Variants in FLRT2 observed in about 807,000 individuals in gnomAD.
The protein encoded by FLRT2 is fibronectin leucine rich transmembrane protein 2, also known as leucine-rich repeat transmembrane protein FLRT2.
A neutral mutation model predicts 40.0 loss-of-function variants in FLRT2; 15 were observed. That is an observed-to-expected ratio of 0.38 (90% CI 0.25 to 0.58). The LOEUF (loss-of-function observed/expected upper bound fraction) is 0.58. Ranked by LOEUF, FLRT2 falls within the 20% of genes least tolerant of loss-of-function variation. The pLI is 0.71. For missense variants in FLRT2, 726 were observed against 840.0 expected (o/e 0.86, Z 1.68); for synonymous variants, 380 against 336.8 (o/e 1.13, Z -1.41).
At chr14:85,535,081 T>C (rs1039579923) in intron 1 of FLRT2, among the ~76,000 whole-genome samples, 3 of 152,222 alleles carry the variant, frequency 2.0e-5, no homozygotes, top group Non-Finnish European at 4.4e-5. Flanking sequence ...TGCAAGGTGC[T>C]GATTAGATTT....
In FLRT2 at chr14:85,643,315, C is replaced by CTT. The variant is rs1259864710; in HGVS notation, c.*19820_*19821dup. 1 of 102,824 alleles carries CTT rather than the reference C, an allele frequency of 9.7e-6. No individual in the cohort carries two copies. The highest frequency in any genetic ancestry group is 4.3e-5 in the African/African-American group (1 of 23,458). The allele number at this position is 102,824 out of a possible 1,614,324, so 6.4% of individuals were successfully genotyped here. A position where few individuals can be genotyped will look rare whatever the true frequency, so the allele number is the denominator to read the frequency against. On this transcript the variant is annotated 3_prime_UTR_variant, in exon 2 of 2. Transcript: ENST00000330753. ...TTTTTCTTTCTTTCTTTCTTTCTTT[C>CTT]TTTCTTTCTTTCTTTCTTTCTTTCT...
At chr14:85,620,764 C>T (rs1711835234) in intron 1 of FLRT2, among the ~76,000 whole-genome samples, 1 of 152,102 alleles carries the variant, frequency 6.6e-6, no homozygotes, top group South Asian at 2.1e-4. Flanking sequence ...AGTCTATGAC[C>T]AGTAGGATTT....
At chr14:85,558,815 G>A (rs1185294068) in intron 1 of FLRT2, among the ~76,000 whole-genome samples, 4 of 152,130 alleles carry the variant, frequency 2.6e-5, no homozygotes, top group African/African-American at 4.8e-5. Flanking sequence ...TATTTGACAT[G>A]GTTTGTCTTT....
At position 85,628,234 on chromosome 14, in the gene FLRT2, A is replaced by G. The variant is rs1392992152; in HGVS notation, c.*4737A>G. ...AATCTATGTTGTTTAGGATACAGAT[A>G]ATGTCATTGTATTTATCCTATCAGA... On this transcript the variant is annotated 3_prime_UTR_variant, in exon 2 of 2. Transcript: ENST00000330753. The G allele has an allele frequency of 6.6e-6, 1 of 152,168 alleles. No individual in the cohort carries two copies. The highest frequency in any genetic ancestry group is 1.9e-4 in the East Asian group (1 of 5,194). The allele number at this position is 152,168 out of a possible 1,614,324, so 9.4% of individuals were successfully genotyped here.
At chr14:85,546,098 A>T (rs1191933527) in intron 1 of FLRT2, among the ~76,000 whole-genome samples, 1 of 152,152 alleles carries the variant, frequency 6.6e-6, no homozygotes, top group African/African-American at 2.4e-5. Context: ...TAAGCACAGT[A>T]TGTGCTTGCA....
At chr14:85,604,969 G>A (rs1033274633) in intron 1 of FLRT2, among the ~76,000 whole-genome samples, 2 of 152,168 alleles carry the variant, frequency 1.3e-5, no homozygotes, top group African/African-American at 2.4e-5. Flanking sequence ...AATCATCACA[G>A]GTCACAGAGA....
rs1894099951 is a variant in FLRT2, at chr14:85,639,659, T to C, written c.*16162T>C. 1 of 151,986 alleles carries C rather than the reference T, an allele frequency of 6.6e-6. No homozygotes were observed. Among genetic ancestry groups the C allele is most frequent in the South Asian group, 2.1e-4 (1 of 4,816 alleles). 9.4% of individuals were successfully genotyped at this position (151,986 alleles called of 1,614,324 possible). ...TAGTAGAATTTATATTTATAGACTA[T>C]TGATATTATTATGTGCATTACCCAT... On this transcript the variant is annotated 3_prime_UTR_variant, in exon 2 of 2. Transcript: ENST00000330753.
At position 85,651,358 on chromosome 14, in the gene FLRT2, A is replaced by ATTGT. The variant is rs1310589574; in HGVS notation, c.*27863_*27866dup. ...TGCTTTAAATTAGAGATTTTGCCTG[A>ATTGT]TTGTTATCTACAGAATTCTATGCAA... On this transcript the variant is annotated 3_prime_UTR_variant, in exon 2 of 2. Coordinates refer to ENST00000330753, the MANE Select transcript of FLRT2 (RefSeq NM_013231.6). The ATTGT allele has an allele frequency of 4.0e-5, 6 of 151,404 alleles. No homozygotes were observed. The highest frequency in any genetic ancestry group is 7.4e-5 in the Non-Finnish European group (5 of 67,852). 9.4% of individuals were successfully genotyped at this position (151,404 alleles called of 1,614,324 possible).
At chr14:85,600,051 G>T (rs1892313278) in intron 1 of FLRT2, among the ~76,000 whole-genome samples, 1 of 152,188 alleles carries the variant, frequency 6.6e-6, no homozygotes, top group Non-Finnish European at 1.5e-5. Flanking sequence ...TGACGCAAGT[G>T]CAGTTCAGCT....
chr14:85,587,796 G>A lies in FLRT2; in HGVS notation c.-376-33343G>A, dbSNP rs564213327. Among the ~76,000 whole-genome samples, 14 of 152,224 alleles carry A rather than the reference G, an allele frequency of 9.2e-5. No homozygotes were observed. The South Asian group carries it at 2.9e-3, about 32-fold the overall frequency. ...GAATATTTTTTAACATCCTCTTTTAGCATAAATTTCTCATGATTAAAATAT... is the reference window on the plus strand; with the variant it reads ...GAATATTTTTTAACATCCTCTTTTAACATAAATTTCTCATGATTAAAATAT... On this transcript the variant is annotated intron_variant, in intron 1 of 1. Transcript: ENST00000330753.
At chr14:85,535,514 A>C (rs1185201596) in intron 1 of FLRT2, among the ~76,000 whole-genome samples, 1 of 152,206 alleles carries the variant, frequency 6.6e-6, no homozygotes, top group Non-Finnish European at 1.5e-5. Flanking sequence ...AACATGGGCC[A>C]GCTACTTATG....
chr14:85,572,462 C>G (rs1024820346), intron 1 of FLRT2, among the ~76,000 whole-genome samples: 3 of 152,232 alleles, frequency 2.0e-5, no homozygotes, highest in South Asian at 2.1e-4. Context: ...GGGAGCAGGA[C>G]AGTATATCCA....
rs1456430120 is a variant in FLRT2 at position 85,623,897 on chromosome 14, C to A, written c.*400C>A. On this transcript the variant is annotated 3_prime_UTR_variant, in exon 2 of 2. Coordinates refer to ENST00000330753, the MANE Select transcript of FLRT2 (RefSeq NM_013231.6). ...CAGATGAAAGGGCAGATTAAATGGA[C>A]TCATCAGGGTAAGAGGAATAATATG... 1.7e-5 allele frequency: 3 copies of A among 176,904 alleles called. No individual in the cohort carries two copies. The East Asian group carries it at 5.3e-4, about 31-fold the overall frequency. The allele number at this position is 176,904 out of a possible 1,614,324, so 11.0% of individuals were successfully genotyped here. A position where few individuals can be genotyped will look rare whatever the true frequency, so the allele number is the denominator to read the frequency against.
chr14:85,577,247 A>G (rs1891159040), intron 1 of FLRT2, among the ~76,000 whole-genome samples: 1 of 152,196 alleles, frequency 6.6e-6, no homozygotes, highest in South Asian at 2.1e-4. Flanking sequence ...ACAAAGCTGG[A>G]TTGATTTTTC....
intron 1 of FLRT2, among the ~76,000 whole-genome samples, chr14:85,550,027 C>G (rs1370816221): frequency 8.3e-6 from 1 of 120,796 alleles, no homozygotes; most frequent in African/African-American, 2.9e-5. Flanking sequence ...CTTACAACCA[C>G]TTATTTCTGG....
At position 85,622,977 on chromosome 14, in the gene FLRT2, C is replaced by T. The variant is rs767068724; in HGVS notation, c.1463C>T (p.Thr488Ile). 1 of 1,614,184 alleles carries T rather than the reference C, an allele frequency of 6.2e-7. No homozygotes were observed. Among genetic ancestry groups the T allele is most frequent in the Non-Finnish European group, 8.5e-7 (1 of 1,180,032 alleles). The change falls in exon 2 of 2, where the codon ACC (threonine) becomes ATC (isoleucine). Residue 488 changes from threonine to isoleucine, a missense_variant. Physicochemically the swap from Thr to Ile is moderately conservative, Grantham distance 89 (BLOSUM62 -1). This residue lies in a region of FLRT2 where 611 missense variants were observed against 690.0 expected (regional missense o/e 0.89). Coordinates refer to ENST00000330753, the MANE Select transcript of FLRT2 (RefSeq NM_013231.6). ...LSLVNLEPRS[T>I]YRICLVPLDA... ...CTGGTTAACTTAGAGCCCCGATCCA[C>T]CTATCGGATTTGTTTAGTGCCACTG...
Position 85,530,478 on chromosome 14 carries a change from T to G in FLRT2, c.-433T>G, listed in dbSNP as rs1888201155. 6.6e-6 allele frequency: 1 copy of G among 152,658 alleles called. No homozygotes were observed. Among genetic ancestry groups the G allele is most frequent in the Non-Finnish European group, 1.5e-5 (1 of 68,142 alleles). The allele number at this position is 152,658 out of a possible 1,614,324, so 9.5% of individuals were successfully genotyped here. ...CGCGCCAGCGTCTTCCCTTTCCACC[T>G]CCCTGACCCTGTCGGATTCGGATGA... On this transcript the variant is annotated 5_prime_UTR_variant, in exon 1 of 2. Coordinates refer to ENST00000330753, the MANE Select transcript of FLRT2 (RefSeq NM_013231.6).
In FLRT2 at chr14:85,627,272, G is replaced by T. The variant is rs568268756; in HGVS notation, c.*3775G>T. 3 of 167,010 alleles carry T rather than the reference G, an allele frequency of 1.8e-5. No individual in the cohort carries two copies. Among genetic ancestry groups the T allele is most frequent in the African/African-American group, 7.2e-5 (3 of 41,438 alleles). The allele number at this position is 167,010 out of a possible 1,614,324, so 10.3% of individuals were successfully genotyped here. A position where few individuals can be genotyped will look rare whatever the true frequency, so the allele number is the denominator to read the frequency against. On this transcript the variant is annotated 3_prime_UTR_variant, in exon 2 of 2. Coordinates refer to ENST00000330753, the MANE Select transcript of FLRT2 (RefSeq NM_013231.6). ...CTCACACAGAACAAAACAGTTCTTG[G>T]TCTTGTTCTTGGTCTTGTCAAACCT... is the stretch of plus-strand genomic sequence containing the variant.
At chr14:85,575,634 CCTCAA>C (rs565344763) in intron 1 of FLRT2, among the ~76,000 whole-genome samples, 66 of 152,230 alleles carry the variant, frequency 4.3e-4, no homozygotes, top group South Asian at 3.7e-3. Flanking sequence ...GAAATCCTTC[CCTCAA>C]CTGCACTTTT....
Sources: allele counts gnomAD v4.1 joint callset (sites outside exome capture counted in the v4.1 genomes callset), GRCh38; gene constraint gnomAD v4.1.1; regional missense constraint gnomAD v4.1.1; transcripts MANE v1.5; gene names NCBI Gene and HGNC (gene_info 2026-07-23, HGNC 2026-07-21).